Variants in E2F6 observed in about 807,000 individuals in gnomAD.
E2F6 encodes transcription factor E2F6.
Under a neutral mutation model 31.5 loss-of-function variants are expected in E2F6, and 19 were observed. The observed-to-expected ratio is 0.60, with a 90% CI of 0.42 to 0.89. E2F6 has a LOEUF of 0.89. Ranked by LOEUF, E2F6 falls within the 40% of genes least tolerant of loss-of-function variation. The probability of loss-of-function intolerance (pLI) is 0.00; values close to 1 mark genes in which losing one functional copy is unlikely to be tolerated. For missense variants in E2F6, 269 were observed against 341.6 expected, an observed-to-expected ratio of 0.79 and a Z score of 1.67; for synonymous variants, 121 against 127.7, an observed-to-expected ratio of 0.95 and a Z score of 0.36.
intron 1 of E2F6, chr2:11,458,235 G>C (rs1327361152): frequency 6.5e-7 from 1 of 1,546,208 alleles, no homozygotes; most frequent in Non-Finnish European, 8.8e-7. Context: ...ACTCTAAGAA[G>C]AGAATCAACA....
rs949471030 is a variant in E2F6 at position 11,444,402 on chromosome 2, A to G, written c.*2075T>C. The G allele has an allele frequency of 6.6e-6, 1 of 152,222 alleles. No homozygotes were observed. Among genetic ancestry groups the G allele is most frequent in the African/African-American group, 2.4e-5 (1 of 41,448 alleles). 9.4% of individuals were successfully genotyped at this position (152,222 alleles called of 1,614,324 possible). On this transcript the variant is annotated 3_prime_UTR_variant, in exon 7 of 7. Transcript: ENST00000381525. ...GAGTGACTCGAGAGATACTTCATTT[A>G]TAACACACATCTGTAATTTACAAAG...
At chr2:11,450,267 T>TA (rs374830196) in intron 4 of E2F6, 141 bp from the exon 5 acceptor site, 23,814 of 318,976 alleles carry the variant, frequency 0.075, 3 homozygotes, top group East Asian at 0.11. Context: ...AGGAAAGCAG[T>TA]AAAAAAAAAA....
chr2:11,455,136 C>T (rs1007488363), intron 2 of E2F6, among the ~76,000 whole-genome samples: 1 of 152,164 alleles, frequency 6.6e-6, no homozygotes, highest in East Asian at 1.9e-4. Context: ...GCAGTATACA[C>T]GGGCCTCATC....
At chr2:11,458,609 T>G (rs1489950812) in intron 1 of E2F6, among the ~76,000 whole-genome samples, 2 of 152,138 alleles carry the variant, frequency 1.3e-5, no homozygotes. Context: ...GGTTTAGAAA[T>G]ATAAGTATGG....
At chr2:11,452,969 T>C (rs1671164355) in intron 3 of E2F6, among the ~76,000 whole-genome samples, 1 of 152,210 alleles carries the variant, frequency 6.6e-6, no homozygotes, top group Non-Finnish European at 1.5e-5. Context: ...TAGGTTTTCA[T>C]TTGCCTGAGA....
intron 3 of E2F6, 74 bp downstream of exon 3, chr2:11,453,508 T>C (rs1204467086): frequency 2.3e-6 from 3 of 1,329,736 alleles, no homozygotes; most frequent in Admixed American, 1.8e-5. Context: ...ACACTGCCAC[T>C]ATCTAGTTTA....
At position 11,465,869 on chromosome 2, in the gene E2F6, T is replaced by C; in HGVS notation, c.11A>G (p.Gln4Arg). 2 of 1,557,416 alleles carry C rather than the reference T, an allele frequency of 1.3e-6. No individual in the cohort carries two copies. Among genetic ancestry groups the C allele is most frequent in the Non-Finnish European group, 1.7e-6 (2 of 1,151,344 alleles). ...ACTGGGTAACTTCCTCGCCGGCCGC[T>C]GCTGACTCATGCTGCCCGGCCGGGC... MSQQRPARKLPSLL... is the reference protein window; with the variant it reads MSQRRPARKLPSLL... The change falls in exon 1 of 7, where the codon CAG becomes CGG. Residue 4 changes from glutamine to arginine, a missense_variant. Gln to Arg is a conservative substitution (Grantham distance 43). Transcript: ENST00000381525.
chr2:11,450,008 C>T lies in E2F6; in HGVS notation c.651+4G>A. Reference sequence around the variant, plus strand: ...AATCTTTTTAAAAATGCAGGGTTACCTACTTCTCTGGGAGCTGGAACATCC... The same window carrying T: ...AATCTTTTTAAAAATGCAGGGTTACTTACTTCTCTGGGAGCTGGAACATCC... On this transcript the variant is annotated splice_donor_region_variant and intron_variant, in intron 5 of 6. Transcript: ENST00000381525. 6.2e-7 allele frequency: 1 copy of T among 1,606,432 alleles called. No homozygotes were observed. Among genetic ancestry groups the T allele is most frequent in the African/African-American group, 1.3e-5 (1 of 74,840 alleles).
Position 11,451,618 on chromosome 2 carries a change from G to A in E2F6, c.536+33C>T, listed in dbSNP as rs1558453600. On this transcript the variant is annotated intron_variant, in intron 4 of 6. Coordinates refer to ENST00000381525, the MANE Select transcript of E2F6 (RefSeq NM_198256.4). ...ACTTAAGTAATCTGTTTTGGAAGCA[G>A]AAATTTTAAAAAGGTATAGACTTAA... 2.5e-6 allele frequency: 4 copies of A among 1,573,402 alleles called. No individual in the cohort carries two copies. In the African/African-American group the frequency reaches 5.5e-5, roughly 22 times the overall value.
intron 1 of E2F6, among the ~76,000 whole-genome samples, chr2:11,458,870 G>C (rs977695383): frequency 1.3e-5 from 2 of 152,164 alleles, no homozygotes; most frequent in South Asian, 2.1e-4. Context: ...TGCAACACTG[G>C]AGCTGGGAAT....
intron 2 of E2F6, among the ~76,000 whole-genome samples, chr2:11,456,568 A>G (rs1201534000): frequency 1.3e-5 from 2 of 152,222 alleles, no homozygotes; most frequent in African/African-American, 4.8e-5. Context: ...GTGACAATCC[A>G]TGCAGAGAGC....
rs560210125 is a variant in E2F6, at chr2:11,463,559, G to A, written c.108+2213C>T. ...GATTTGGTGCCCCAATCCCTGAGTC[G>A]TTCAATGATCAAATGTAGATGGTAA... is the stretch of plus-strand genomic sequence containing the variant. On this transcript the variant is annotated intron_variant, in intron 1 of 6. Coordinates refer to ENST00000381525, the MANE Select transcript of E2F6 (RefSeq NM_198256.4). Among the ~76,000 whole-genome samples the A allele has an allele frequency of 6.2e-4, 95 of 152,278 alleles. 1 individual carries two copies. The South Asian group carries it at 0.019, about 31-fold the overall frequency.
At chr2:11,453,488 T>C in intron 3 of E2F6, 94 bp downstream of exon 3, 1 of 1,169,428 alleles carries the variant, frequency 8.6e-7, no homozygotes, top group Non-Finnish European at 1.2e-6. Flanking sequence ...CTTTGTATTA[T>C]ATTGTCAAAA....
In E2F6 at chr2:11,444,567, T is replaced by C. The variant is rs1670609258; in HGVS notation, c.*1910A>G. The C allele has an allele frequency of 6.6e-6, 1 of 152,212 alleles. No homozygotes were observed. Among genetic ancestry groups the C allele is most frequent in the South Asian group, 2.1e-4 (1 of 4,826 alleles). The allele number at this position is 152,212 out of a possible 1,614,324, so 9.4% of individuals were successfully genotyped here. On this transcript the variant is annotated 3_prime_UTR_variant, in exon 7 of 7. Transcript: ENST00000381525. ...AAACCTTTGTTGGTTTTTGGGACAC[T>C]GCCTTCTCCCTCCCCACCCGCCCCA...
Position 11,445,682 on chromosome 2 carries a change from C to T in E2F6, c.*795G>A, listed in dbSNP as rs1465562241. On this transcript the variant is annotated 3_prime_UTR_variant, in exon 7 of 7. Transcript: ENST00000381525. ...TTTCCTGATGGCATTTCTATCCTTG[C>T]CCCCAAAGCCACTGGGCATGCCACC... 1 of 152,194 alleles carries T rather than the reference C, an allele frequency of 6.6e-6. No homozygotes were observed. The highest frequency in any genetic ancestry group is 1.5e-5 in the Non-Finnish European group (1 of 68,044). The allele number at this position is 152,194 out of a possible 1,614,324, so 9.4% of individuals were successfully genotyped here.
chr2:11,445,353 GGATGTAACAGT>G lies in E2F6; in HGVS notation c.*1113_*1123del, dbSNP rs1199271424. 5.2e-5 allele frequency: 8 copies of G among 152,584 alleles called. No homozygotes were observed. Among genetic ancestry groups the G allele is most frequent in the African/African-American group, 1.7e-4 (7 of 41,430 alleles). 9.5% of individuals were successfully genotyped at this position (152,584 alleles called of 1,614,324 possible). A position where few individuals can be genotyped will look rare whatever the true frequency, so the allele number is the denominator to read the frequency against. On this transcript the variant is annotated 3_prime_UTR_variant, in exon 7 of 7. Transcript: ENST00000381525. ...GGGCCAGGCATGGTGTGAGGCACTG[GGATGTAACAGT>G]GATTATGACAAAGTCCCTCAAGGAG...
At chr2:11,446,861 C>T (rs1161304044) in intron 6 of E2F6, among the ~76,000 whole-genome samples, 1 of 152,188 alleles carries the variant, frequency 6.6e-6, no homozygotes, top group African/African-American at 2.4e-5. Context: ...GGGCAACAGC[C>T]CCCTCTTCTG....
At chr2:11,448,056 T>C (rs918999461) in intron 5 of E2F6, among the ~76,000 whole-genome samples, 1 of 152,176 alleles carries the variant, frequency 6.6e-6, no homozygotes, top group African/African-American at 2.4e-5. Context: ...AGTGTTTTGA[T>C]GACACAGAAC....
intron 1 of E2F6, among the ~76,000 whole-genome samples, chr2:11,464,086 T>C (rs878949260): frequency 1.4e-4 from 21 of 151,864 alleles, no homozygotes; most frequent in African/African-American, 5.1e-4. Flanking sequence ...CTAACACGAG[T>C]GTTGTAGTCA....
Sources: allele counts gnomAD v4.1 joint callset (sites outside exome capture counted in the v4.1 genomes callset), GRCh38; gene constraint gnomAD v4.1.1; transcripts MANE v1.5; gene names NCBI Gene and HGNC (gene_info 2026-07-23, HGNC 2026-07-21).